TBC1D19: variants seen among roughly 807,000 people sequenced by gnomAD.
TBC1D19 encodes TBC1 domain family member 19.
A neutral mutation model predicts 89.0 loss-of-function variants in TBC1D19; 60 were observed. The observed-to-expected ratio is 0.67, with a 90% CI of 0.55 to 0.84. The LOEUF (loss-of-function observed/expected upper bound fraction) is 0.84, where lower values mean the gene tolerates loss of function less well. Among genes scored for constraint, TBC1D19 ranks in the 40% least tolerant of loss-of-function variants. The pLI is 0.00. For synonymous variants in TBC1D19, 189 were observed against 199.7 expected, an observed-to-expected ratio of 0.95 and a Z score of 0.45; for missense variants, 500 against 610.8, an observed-to-expected ratio of 0.82 and a Z score of 1.91.
chr4:26,742,450 T>C lies in TBC1D19; in HGVS notation c.1228-58T>C, dbSNP rs1465762045. On this transcript the variant is annotated intron_variant, in intron 17 of 20. Coordinates refer to ENST00000264866, the MANE Select transcript of TBC1D19 (RefSeq NM_018317.4). ...TTTCCATTTGAATAATTTGTTGGCATAGTTAATTTTTAAATATTAAAATAT... is the reference window on the plus strand; with the variant it reads ...TTTCCATTTGAATAATTTGTTGGCACAGTTAATTTTTAAATATTAAAATAT... 25 of 1,351,958 alleles carry C rather than the reference T, an allele frequency of 1.8e-5. No homozygotes were observed. In the Admixed American group the frequency reaches 3.6e-4, roughly 20 times the overall value. 83.7% of individuals were successfully genotyped at this position (1,351,958 alleles called of 1,614,324 possible).
At chr4:26,724,997 C>T (rs997299461) in intron 15 of TBC1D19, among the ~76,000 whole-genome samples, 4 of 152,154 alleles carry the variant, frequency 2.6e-5, no homozygotes, top group African/African-American at 9.7e-5. Flanking sequence ...CCTGAAAAAG[C>T]CCAGAGATGA....
intron 18 of TBC1D19, among the ~76,000 whole-genome samples, chr4:26,745,727 G>C (rs1560510085): frequency 1.3e-5 from 2 of 151,600 alleles, no homozygotes; most frequent in African/African-American, 2.4e-5. Context: ...GGCCAGACTG[G>C]TCTCGGACTC....
chr4:26,629,031 C>T (rs564586194), intron 4 of TBC1D19, among the ~76,000 whole-genome samples: 1 of 152,180 alleles, frequency 6.6e-6, no homozygotes, highest in Non-Finnish European at 1.5e-5. Flanking sequence ...CCAGTCTCAT[C>T]TCTTGCCTTC....
rs1241103896 is a variant in TBC1D19 at position 26,603,290 on chromosome 4, CTTAG to C, written c.100-9875_100-9872del. Among the ~76,000 whole-genome samples the C allele has an allele frequency of 8.5e-5, 13 of 152,112 alleles. No homozygotes were observed. The East Asian group carries it at 2.5e-3, about 29-fold the overall frequency. On this transcript the variant is annotated intron_variant, in intron 1 of 20. Transcript: ENST00000264866. The stretch of plus-strand genomic sequence containing the variant: ...TTAATGATATGTTTTCACTTTATAA[CTTAG>C]TTAACCAATATATTTGAAAAGATCA...
At chr4:26,657,897 C>G (rs1175088494) in intron 7 of TBC1D19, among the ~76,000 whole-genome samples, 2 of 152,182 alleles carry the variant, frequency 1.3e-5, no homozygotes, top group Admixed American at 6.5e-5. Flanking sequence ...TGAGAAGTGT[C>G]TGTTCATATC....
chr4:26,621,213 A>G (rs888955253), intron 4 of TBC1D19, among the ~76,000 whole-genome samples: 1 of 152,228 alleles, frequency 6.6e-6, no homozygotes, highest in African/African-American at 2.4e-5. Context: ...ATTTAAGTAT[A>G]AAAACTATGA....
intron 7 of TBC1D19, among the ~76,000 whole-genome samples, chr4:26,641,137 A>G (rs1743484242): frequency 6.6e-6 from 1 of 152,198 alleles, no homozygotes; most frequent in Non-Finnish European, 1.5e-5. Context: ...TAACTTGGAG[A>G]CATCTCCCAG....
intron 19 of TBC1D19, among the ~76,000 whole-genome samples, chr4:26,750,170 A>C (rs1232641192): frequency 2.0e-5 from 3 of 152,078 alleles, no homozygotes; most frequent in Non-Finnish European, 2.9e-5. Flanking sequence ...CTCTACTCTC[A>C]CATTTTCGCC....
chr4:26,683,258 T>C (rs992876433), intron 11 of TBC1D19, among the ~76,000 whole-genome samples: 7 of 152,284 alleles, frequency 4.6e-5, no homozygotes, highest in Admixed American at 3.3e-4. Flanking sequence ...TGGCCTTGGA[T>C]AGCAAGTTAC....
the TBC1D19 span, among the ~76,000 whole-genome samples, chr4:26,822,618 G>A: frequency 6.6e-6 from 1 of 152,114 alleles, no homozygotes; most frequent in Non-Finnish European, 1.5e-5. Context: ...TGCTATGATT[G>A]TTTCGACCCC....
chr4:26,813,065 T>A, the TBC1D19 span, among the ~76,000 whole-genome samples: 1 of 151,690 alleles, frequency 6.6e-6, no homozygotes, highest in African/African-American at 2.4e-5. Context: ...AAAAACTTTT[T>A]AAAAATTAGC....
At chr4:26,772,259 C>G in the TBC1D19 span, among the ~76,000 whole-genome samples, 1 of 152,058 alleles carries the variant, frequency 6.6e-6, no homozygotes, top group East Asian at 1.9e-4. Context: ...AAGGCTTTAC[C>G]TCGCAGGTCT....
At chr4:26,584,559 A>G (rs1425838767) in intron 1 of TBC1D19, among the ~76,000 whole-genome samples, 2 of 152,110 alleles carry the variant, frequency 1.3e-5, no homozygotes, top group African/African-American at 4.8e-5. Context: ...GGCGCATCAC[A>G]CCTTTTTTTC....
intron 7 of TBC1D19, among the ~76,000 whole-genome samples, chr4:26,650,511 C>T (rs1188783772): frequency 6.6e-6 from 1 of 152,152 alleles, no homozygotes; most frequent in Non-Finnish European, 1.5e-5. Flanking sequence ...TAAATGTCTT[C>T]TTTGGAGAAG....
chr4:26,778,867 T>C, the TBC1D19 span, among the ~76,000 whole-genome samples: 7 of 152,200 alleles, frequency 4.6e-5, no homozygotes, highest in Non-Finnish European at 1.0e-4. Context: ...TTTTAGGCTA[T>C]AATTCTCAAA....
intron 1 of TBC1D19, among the ~76,000 whole-genome samples, chr4:26,596,079 C>A (rs1740190422): frequency 6.6e-6 from 1 of 152,076 alleles, no homozygotes; most frequent in Non-Finnish European, 1.5e-5. Context: ...GCCTCAGCCT[C>A]TAGAGTAGCT....
At chr4:26,777,643 T>G in the TBC1D19 span, among the ~76,000 whole-genome samples, 1 of 151,982 alleles carries the variant, frequency 6.6e-6, no homozygotes, top group African/African-American at 2.4e-5. Context: ...GAGACAGGGT[T>G]TTGCAGTGTT....
intron 10 of TBC1D19, among the ~76,000 whole-genome samples, chr4:26,672,586 A>G (rs1282055939): frequency 6.6e-6 from 1 of 152,038 alleles, no homozygotes; most frequent in Non-Finnish European, 1.5e-5. Flanking sequence ...TATAACTGTA[A>G]TGGTTCCCAG....
intron 13 of TBC1D19, among the ~76,000 whole-genome samples, chr4:26,707,816 A>G (rs1354017481): frequency 6.6e-6 from 1 of 152,038 alleles, no homozygotes; most frequent in Non-Finnish European, 1.5e-5. Flanking sequence ...GTAACATACA[A>G]AATTTGTATT....
Sources: allele counts gnomAD v4.1 joint callset (sites outside exome capture counted in the v4.1 genomes callset), GRCh38; gene constraint gnomAD v4.1.1; transcripts MANE v1.5; gene names NCBI Gene and HGNC (gene_info 2026-07-23, HGNC 2026-07-21).